GRIK2: variants seen among roughly 807,000 people sequenced by gnomAD.
GRIK2 encodes glutamate receptor ionotropic, kainate 2.
Under a neutral mutation model 100.3 loss-of-function variants are expected in GRIK2, and 32 were observed. The ratio of observed to expected loss-of-function variants is 0.32; its 90% CI spans 0.24 to 0.43. GRIK2 has a LOEUF of 0.43. GRIK2 is among the 20% of genes least tolerant of loss of function. GRIK2 has a pLI of 1.00. For synonymous variants in GRIK2, 417 were observed against 389.4 expected, an observed-to-expected ratio of 1.07 and a Z score of -0.83; for missense variants, 843 against 1,114.9, an observed-to-expected ratio of 0.76 and a Z score of 3.47.
At chr6:102,029,863 C>A (rs955946740) in intron 14 of GRIK2, among the ~76,000 whole-genome samples, 11 of 151,106 alleles carry the variant, frequency 7.3e-5, no homozygotes, top group African/African-American at 2.7e-4. Flanking sequence ...TTGACAGCAG[C>A]TATGCACAGA....
At chr6:101,606,338 G>C (rs541634947) in intron 2 of GRIK2, among the ~76,000 whole-genome samples, 73 of 151,972 alleles carry the variant, frequency 4.8e-4, no homozygotes, top group Non-Finnish European at 8.5e-4. Context: ...AGATAGATTA[G>C]ATTGGCAAGG....
intron 12 of GRIK2, among the ~76,000 whole-genome samples, chr6:101,892,558 T>C (rs1002467348): frequency 2.0e-5 from 3 of 152,016 alleles, no homozygotes; most frequent in Non-Finnish European, 4.4e-5. Flanking sequence ...TATTTTGAAA[T>C]GTTACTGTTA....
chr6:101,819,159 AT>A (rs1394420590), intron 10 of GRIK2, among the ~76,000 whole-genome samples: 1 of 152,144 alleles, frequency 6.6e-6, no homozygotes, highest in Non-Finnish European at 1.5e-5. Flanking sequence ...GGGAATTTTA[AT>A]TTAGGATAAG....
At position 102,004,133 on chromosome 6, in the gene GRIK2, C is replaced by T. The variant is rs369148130; in HGVS notation, c.2086-31208C>T. Among the ~76,000 whole-genome samples, 21 of 150,052 alleles carry T rather than the reference C, an allele frequency of 1.4e-4. 1 individual carries two copies. In the South Asian group the frequency reaches 1.9e-3, roughly 14 times the overall value. ...TTTGCATTTATATTTGTTCATACTC[C>T]GTTTTTGAGTTTTATTTATTTGATT... On this transcript the variant is annotated intron_variant, in intron 14 of 16. Transcript: ENST00000369134.
intron 4 of GRIK2, among the ~76,000 whole-genome samples, chr6:101,645,094 C>A (rs1220327144): frequency 1.3e-5 from 2 of 151,394 alleles, no homozygotes; most frequent in Non-Finnish European, 3.0e-5. Context: ...ACATAACTTA[C>A]CCTATCCTGA....
At chr6:101,507,653 G>C (rs1774092418) in intron 2 of GRIK2, among the ~76,000 whole-genome samples, 1 of 152,190 alleles carries the variant, frequency 6.6e-6, no homozygotes, top group Non-Finnish European at 1.5e-5. Flanking sequence ...GCAAGTTGTA[G>C]AAGACAGCAT....
chr6:101,481,734 T>G (rs1772540234), intron 2 of GRIK2, among the ~76,000 whole-genome samples: 1 of 152,186 alleles, frequency 6.6e-6, no homozygotes, highest in African/African-American at 2.4e-5. Flanking sequence ...TGGTGTTTTA[T>G]CTAATCAGTG....
intron 7 of GRIK2, among the ~76,000 whole-genome samples, chr6:101,734,503 C>G (rs369819831): frequency 1.3e-5 from 2 of 152,182 alleles, no homozygotes; most frequent in African/African-American, 4.8e-5. Context: ...ACTCAGTCCA[C>G]TAATTCAAGT....
intron 2 of GRIK2, among the ~76,000 whole-genome samples, chr6:101,612,709 T>A (rs907722994): frequency 7.3e-6 from 1 of 137,170 alleles, no homozygotes; most frequent in Admixed American, 7.6e-5. Context: ...TACAGATGTA[T>A]GTGTTAATGT....
intron 2 of GRIK2, among the ~76,000 whole-genome samples, chr6:101,552,412 T>C (rs1257608127): frequency 2.0e-5 from 3 of 152,130 alleles, no homozygotes; most frequent in African/African-American, 4.8e-5. Context: ...ATGGGACTCT[T>C]GTGGCATATT....
At chr6:101,575,024 A>ATAATATTGTCATATGATTTAATATTTATT (rs1306156685) in intron 2 of GRIK2, among the ~76,000 whole-genome samples, 1 of 151,812 alleles carries the variant, frequency 6.6e-6, no homozygotes, top group East Asian at 1.9e-4. Flanking sequence ...AGTGTTTGGC[A>ATAATATTGTCATATGATTTAATATTTATT]TAATATTGTC....
intron 2 of GRIK2, among the ~76,000 whole-genome samples, chr6:101,572,748 G>A: frequency 1.9e-5 from 2 of 103,134 alleles, no homozygotes; most frequent in East Asian, 6.6e-4. Flanking sequence ...CTTGGCCTCA[G>A]TTTCTTTTTT....
Position 101,588,683 on chromosome 6 carries a change from C to CACAG in GRIK2, c.116-33265_116-33264insCAGA, listed in dbSNP as rs1173567345. The stretch of plus-strand genomic sequence containing the variant: ...ACACGCACACGCACACACACACACA[C>CACAG]AGAAAAGAAAGAAAGAAGAAAAGAA... On this transcript the variant is annotated intron_variant, in intron 2 of 16. Coordinates refer to ENST00000369134, the MANE Select transcript of GRIK2 (RefSeq NM_021956.5). Among the ~76,000 whole-genome samples the CACAG allele has an allele frequency of 7.7e-3, 1,087 of 140,746 alleles. 16 individuals are homozygous for CACAG. The highest frequency in any genetic ancestry group is 0.028 in the African/African-American group (1,032 of 36,252). 92.3% of individuals were successfully genotyped at this position (140,746 alleles called of 152,430 possible). A position where few individuals can be genotyped will look rare whatever the true frequency, so the allele number is the denominator to read the frequency against.
At chr6:101,555,640 T>C (rs1034515410) in intron 2 of GRIK2, among the ~76,000 whole-genome samples, 2 of 152,226 alleles carry the variant, frequency 1.3e-5, no homozygotes, top group African/African-American at 4.8e-5. Context: ...GCATATTTAC[T>C]TAATTCAGAA....
At chr6:101,890,408 A>G (rs2128457489) in intron 12 of GRIK2, 1 of 152,398 alleles carries the variant, frequency 6.6e-6, no homozygotes, top group African/African-American at 2.4e-5. Flanking sequence ...ATTGACATGT[A>G]GGGTATGTTT....
chr6:101,445,679 AC>A (rs1243373958), intron 2 of GRIK2, among the ~76,000 whole-genome samples: 2 of 151,996 alleles, frequency 1.3e-5, no homozygotes, highest in African/African-American at 4.8e-5. Flanking sequence ...TGGGCTATGG[AC>A]CCAAATGAGT....
chr6:101,774,486 G>T (rs1381486018), intron 7 of GRIK2, among the ~76,000 whole-genome samples: 1 of 152,140 alleles, frequency 6.6e-6, no homozygotes, highest in Admixed American at 6.5e-5. Context: ...CCAGTGCATT[G>T]TTGCTAGAGA....
intron 15 of GRIK2, among the ~76,000 whole-genome samples, chr6:102,046,645 T>G (rs1011840143): frequency 2.0e-5 from 3 of 152,138 alleles, no homozygotes; most frequent in Non-Finnish European, 4.4e-5. Context: ...CTTCATAAAT[T>G]TCCCAGTCTC....
At chr6:101,438,650 T>A (rs1769873441) in intron 2 of GRIK2, among the ~76,000 whole-genome samples, 1 of 152,164 alleles carries the variant, frequency 6.6e-6, no homozygotes, top group South Asian at 2.1e-4. Context: ...ATATTTGTGA[T>A]TAATAAATGC....
Sources: allele counts gnomAD v4.1 joint callset (sites outside exome capture counted in the v4.1 genomes callset), GRCh38; gene constraint gnomAD v4.1.1; transcripts MANE v1.5; gene names NCBI Gene and HGNC (gene_info 2026-07-23, HGNC 2026-07-21).